Variants in C11orf65 observed in about 807,000 individuals in gnomAD.
C11orf65 encodes the protein chromosome 11 open reading frame 65.
In C11orf65, 38 loss-of-function variants were observed where a neutral mutation model predicts 35.3. That is an observed-to-expected ratio of 1.08 (90% CI 0.83 to 1.41). The LOEUF (loss-of-function observed/expected upper bound fraction) is 1.41. Ranked by LOEUF, C11orf65 falls within the 40% of genes most tolerant of loss-of-function variation. The pLI is 0.00. For missense variants in C11orf65, 370 were observed against 367.1 expected (o/e 1.01, Z -0.06); for synonymous variants, 105 against 114.4 (o/e 0.92, Z 0.53).
intron 2 of C11orf65, among the ~76,000 whole-genome samples, chr11:108,370,712 A>AT (rs1439951457): frequency 4.0e-5 from 6 of 151,740 alleles, no homozygotes; most frequent in African/African-American, 1.5e-4. Context: ...CAGATGGTGA[A>AT]TTTTAGCAGT....
downstream of C11orf65, among the ~76,000 whole-genome samples, chr11:108,326,974 T>A (rs1459765733): frequency 1.3e-5 from 2 of 152,122 alleles, no homozygotes; most frequent in Non-Finnish European, 2.9e-5. Context: ...TACAGGCACA[T>A]GCCACCATGC....
At position 108,353,802 on chromosome 11, in the gene C11orf65, C is replaced by T. The variant is rs2089498194; in HGVS notation, c.227-18510G>A. The T allele has an allele frequency of 1.2e-6, 2 of 1,614,090 alleles. No individual in the cohort carries two copies. The highest frequency in any genetic ancestry group is 1.7e-6 in the Non-Finnish European group (2 of 1,179,988). On this transcript the variant is annotated intron_variant, in intron 2 of 3. Coordinates refer to the C11orf65 transcript ENST00000524755. ...GAACAGGGCAAAATCCTTCCTACTC[C>T]TGAGACAGTTCCTTTTAGACTCACC...
At chr11:108,354,662 C>G (rs1461952250) in intron 2 of C11orf65, 2 of 761,710 alleles carry the variant, frequency 2.6e-6, no homozygotes, top group Non-Finnish European at 4.6e-6. Context: ...TGAAAGCCCA[C>G]TCTGCCAAGT....
chr11:108,327,536 C>A, downstream of C11orf65: 2 of 846,696 alleles, frequency 2.4e-6, no homozygotes, highest in South Asian at 1.5e-5. Flanking sequence ...TTTTTTCCCA[C>A]CCACCAAGGA....
chr11:108,437,270 G>C (rs958189911), intron 2 of C11orf65, among the ~76,000 whole-genome samples: 5 of 152,168 alleles, frequency 3.3e-5, no homozygotes, highest in African/African-American at 1.2e-4. Flanking sequence ...CTGGGTGACA[G>C]AGCAAGAACT....
At chr11:108,367,725 C>CCTAAAA (rs1317350377) in intron 2 of C11orf65, 1 of 216,998 alleles carries the variant, frequency 4.6e-6, no homozygotes, top group East Asian at 6.9e-5. Flanking sequence ...CTTCCCCTCC[C>CCTAAAA]CTAAAACCAA....
rs552635541 is a variant in C11orf65, at chr11:108,447,358, T to C, written c.81+14121A>G. Among the ~76,000 whole-genome samples, 15 of 152,148 alleles carry C rather than the reference T, an allele frequency of 9.9e-5. 1 individual carries two copies. Among genetic ancestry groups the C allele is most frequent in the Admixed American group, 8.5e-4 (13 of 15,288 alleles). ...TTTTTTTAGCACCACACCACACCTA[T>C]TCCAAAATTGACCACATAGTTGGAA... On this transcript the variant is annotated intron_variant, in intron 2 of 8. Coordinates refer to ENST00000393084, the MANE Select transcript of C11orf65 (RefSeq NM_152587.5).
chr11:108,382,957 T>C lies in C11orf65; in HGVS notation c.*64A>G. On this transcript the variant is annotated 3_prime_UTR_variant, in exon 9 of 9. Transcript: ENST00000393084. Reference sequence around the variant, plus strand: ...GTTATTCCAGTCAGAATACACTATCTCTTGGCTATAACTGATGGATGGAAG... The same window carrying C: ...GTTATTCCAGTCAGAATACACTATCCCTTGGCTATAACTGATGGATGGAAG... The C allele has an allele frequency of 1.9e-6, 3 of 1,593,480 alleles. No individual in the cohort carries two copies. Among genetic ancestry groups the C allele is most frequent in the Non-Finnish European group, 2.6e-6 (3 of 1,174,386 alleles).
At chr11:108,465,598 G>T (rs1325939734) in intron 1 of C11orf65, among the ~76,000 whole-genome samples, 1 of 152,216 alleles carries the variant, frequency 6.6e-6, no homozygotes. Context: ...GGAAAGTTGA[G>T]ACAGTAAGTA....
chr11:108,449,785 T>C (rs931140492), intron 2 of C11orf65, among the ~76,000 whole-genome samples: 3 of 151,832 alleles, frequency 2.0e-5, no homozygotes, highest in African/African-American at 7.3e-5. Flanking sequence ...AATTGACAAA[T>C]GGGATCTAAT....
chr11:108,393,419 TAGG>T (rs941575907), intron 6 of C11orf65, 41 bp from the exon 7 acceptor site: 10 of 1,556,550 alleles, frequency 6.4e-6, no homozygotes, highest in Admixed American at 5.0e-5. Context: ...TCTTTTGAAA[TAGG>T]AGATTACAAG....
chr11:108,340,437 T>C (rs1203158563), intron 2 of C11orf65: 1 of 152,142 alleles, frequency 6.6e-6, no homozygotes, highest in African/African-American at 2.4e-5. Flanking sequence ...TTCACAAAAA[T>C]TCCTAAATGT....
chr11:108,421,108 A>C (rs1490398303), intron 3 of C11orf65, among the ~76,000 whole-genome samples: 2 of 152,158 alleles, frequency 1.3e-5, no homozygotes, highest in African/African-American at 4.8e-5. Context: ...CCTGGCAAGC[A>C]CTAGTCGTCT....
chr11:108,366,464 C>T (rs1191231512), intron 2 of C11orf65: 1 of 222,818 alleles, frequency 4.5e-6, no homozygotes, highest in Non-Finnish European at 8.9e-6. Flanking sequence ...TGTAATAGTT[C>T]TATTAAATTT....
At chr11:108,339,238 G>C (rs1479597935) in intron 2 of C11orf65, among the ~76,000 whole-genome samples, 2 of 152,094 alleles carry the variant, frequency 1.3e-5, no homozygotes, top group Non-Finnish European at 2.9e-5. Context: ...TAAAATCTTA[G>C]GTGTCAGAGG....
intron 2 of C11orf65, among the ~76,000 whole-genome samples, chr11:108,376,245 A>G (rs1277677696): frequency 1.3e-5 from 2 of 152,132 alleles, no homozygotes; most frequent in Non-Finnish European, 2.9e-5. Context: ...AGCTCTCCTC[A>G]GCAAATGTAA....
chr11:108,372,734 CATA>C (rs1177096815), intron 2 of C11orf65, among the ~76,000 whole-genome samples: 2 of 152,288 alleles, frequency 1.3e-5, no homozygotes, highest in East Asian at 3.9e-4. Context: ...AAAAACTCTT[CATA>C]ATATTAGAAT....
chr11:108,323,662 C>T (rs2136281600), intron 6 of C11orf65, among the ~76,000 whole-genome samples: 1 of 152,142 alleles, frequency 6.6e-6, no homozygotes, highest in African/African-American at 2.4e-5. Context: ...ACACGTACCT[C>T]ATAAATATGT....
chr11:108,391,125 C>T (rs1425846322), intron 7 of C11orf65, among the ~76,000 whole-genome samples: 1 of 151,806 alleles, frequency 6.6e-6, no homozygotes, highest in African/African-American at 2.4e-5. Context: ...TTTTTCCTAC[C>T]CCATTTTCTT....
Sources: gnomAD v4.1 joint callset for allele counts (sites outside exome capture counted in the v4.1 genomes callset) on GRCh38, gnomAD v4.1.1 for gene constraint, MANE v1.5 for transcripts, NCBI Gene and HGNC (gene_info 2026-07-23, HGNC 2026-07-21) for gene names.